CIITA: variants seen among roughly 807,000 people sequenced by gnomAD.
CIITA encodes the protein class II major histocompatibility complex transactivator, also known as MHC class II transactivator.
Under a neutral mutation model 115.1 loss-of-function variants are expected in CIITA, and 72 were observed. The ratio of observed to expected loss-of-function variants is 0.63; its 90% CI spans 0.52 to 0.76. CIITA has a LOEUF of 0.76. Ranked by LOEUF, CIITA falls within the 30% of genes least tolerant of loss-of-function variation. The probability of loss-of-function intolerance (pLI) is 0.00; values close to 1 mark genes in which losing one functional copy is unlikely to be tolerated. For missense variants in CIITA, 1,617 were observed against 1,463.8 expected, an observed-to-expected ratio of 1.10 and a Z score of -1.71; for synonymous variants, 763 against 635.6, an observed-to-expected ratio of 1.20 and a Z score of -3.02.
At chr16:10,876,393 C>A (rs1311194847), upstream of CIITA, among the ~76,000 whole-genome samples, 8 of 152,214 alleles carry the variant, frequency 5.3e-5, no homozygotes, top group Admixed American at 6.5e-5. Flanking sequence ...AACCATTTAA[C>A]AAGAAAGCAG....
At chr16:10,915,153 C>T (rs952454209) in intron 13 of CIITA, 7 of 417,304 alleles carry the variant, frequency 1.7e-5, no homozygotes, top group South Asian at 8.7e-5. Context: ...TGGGCTCAAG[C>T]GATGCTTCCA....
At position 10,925,287 on chromosome 16, in the gene CIITA, G is replaced by T. The variant is rs1450511166; in HGVS notation, c.*1432G>T. On this transcript the variant is annotated 3_prime_UTR_variant, in exon 20 of 20. Transcript: ENST00000324288. ...CACTTTTCATAACCTAGCCTTAGAA[G>T]TCACACAGTATTACTTCTGCTACAT... The T allele has an allele frequency of 6.6e-6, 1 of 152,208 alleles. No homozygotes were observed. The highest frequency in any genetic ancestry group is 2.4e-5 in the African/African-American group (1 of 41,442). 9.4% of individuals were successfully genotyped at this position (152,208 alleles called of 1,614,324 possible).
chr16:10,893,374 T>C (rs1281048537), intron 1 of CIITA, among the ~76,000 whole-genome samples: 1 of 152,200 alleles, frequency 6.6e-6, no homozygotes, highest in Non-Finnish European at 1.5e-5. Flanking sequence ...GCCTTCAGCT[T>C]GGCTTTCCCC....
At chr16:10,876,852 C>T (rs199476057), upstream of CIITA, among the ~76,000 whole-genome samples, 76 of 152,216 alleles carry the variant, frequency 5.0e-4, no homozygotes, top group Non-Finnish European at 8.4e-4. Context: ...GGCATCTGGG[C>T]GGAGGGCTAT....
chr16:10,929,225 G>A lies in CIITA; in HGVS notation c.*5370G>A. 2 of 985,866 alleles carry A rather than the reference G, an allele frequency of 2.0e-6. No homozygotes were observed. Among genetic ancestry groups the A allele is most frequent in the Non-Finnish European group, 2.4e-6 (2 of 829,952 alleles). The allele number at this position is 985,866 out of a possible 1,614,324, so 61.1% of individuals were successfully genotyped here. Reference sequence around the variant, plus strand: ...CTGAAGGCTCAACTCACATCAAACGGAGCTGGGAGTCGCTTTTGCGTGTGT... The same window carrying A: ...CTGAAGGCTCAACTCACATCAAACGAAGCTGGGAGTCGCTTTTGCGTGTGT... On this transcript the variant is annotated 3_prime_UTR_variant, in exon 20 of 20. Coordinates refer to ENST00000324288, the MANE Select transcript of CIITA (RefSeq NM_000246.4). This position sits in a 1 kb window ranked among gnomAD's most constrained non-coding sequence, Gnocchi z 4.3.
intron 1 of CIITA, among the ~76,000 whole-genome samples, chr16:10,870,820 G>A (rs1288888843): frequency 6.6e-6 from 1 of 152,230 alleles, no homozygotes; most frequent in East Asian, 1.9e-4. Flanking sequence ...AGGTCGCACT[G>A]TATAAATATC....
At chr16:10,915,471 C>T (rs923819369) in intron 13 of CIITA, 99 bp from the exon 14 acceptor site, 78 of 927,298 alleles carry the variant, frequency 8.4e-5, no homozygotes, top group Admixed American at 3.3e-4. Flanking sequence ...GGGCCTCAGA[C>T]AGGACCTGAC....
In CIITA at chr16:10,909,166, G is replaced by A. The variant is rs867986540; in HGVS notation, c.2795G>A (p.Gly932Glu). Residue 932 changes from glycine (G) to glutamate (E), a missense_variant, in exon 12 of 20, where the codon GGA (glycine) becomes GAA (glutamate). Gly to Glu is a moderately conservative substitution (Grantham distance 98). Coordinates refer to ENST00000324288, the MANE Select transcript of CIITA (RefSeq NM_000246.4). The part of the protein sequence containing the change: ...AKSLKDVEDL[G>E]KLVQTQRTRS... ...TCCCTGAAGGATGTGGAAGACCTGG[G>A]AAAGCTTGTGCAGACTCAGAGGTGA... 2 of 1,614,228 alleles carry A rather than the reference G, an allele frequency of 1.2e-6. No individual in the cohort carries two copies. Among genetic ancestry groups the A allele is most frequent in the East Asian group, 4.5e-5 (2 of 44,888 alleles).
In CIITA at chr16:10,907,419, G is replaced by A. The variant is rs949731275; in HGVS notation, c.1927G>A (p.Gly643Ser). 4 of 1,612,898 alleles carry A rather than the reference G, an allele frequency of 2.5e-6. No homozygotes were observed. The highest frequency in any genetic ancestry group is 3.4e-6 in the Non-Finnish European group (4 of 1,179,830). ...CTCCACGCTCACGGGACTCTATGTCGGCCTGCTGGGCCGTGCAGCCCTCGA... is the reference window on the plus strand; with the variant it reads ...CTCCACGCTCACGGGACTCTATGTCAGCCTGCTGGGCCGTGCAGCCCTCGA... ...LPSTLTGLYV[G>S]LLGRAALDSP... is the part of the protein sequence containing the mutation. The change falls in exon 11 of 20, where the codon GGC becomes AGC. Residue 643 changes from glycine to serine, a missense_variant. Gly to Ser is a moderately conservative substitution (Grantham distance 56, BLOSUM62 0). Coordinates refer to ENST00000324288, the MANE Select transcript of CIITA (RefSeq NM_000246.4). This position sits in a 1 kb window ranked among gnomAD's most constrained non-coding sequence, Gnocchi z 5.0.
At chr16:10,877,998 C>A (rs557928112) in intron 1 of CIITA, among the ~76,000 whole-genome samples, 1 of 152,256 alleles carries the variant, frequency 6.6e-6, no homozygotes, top group Admixed American at 6.5e-5. Flanking sequence ...GAAGGGTGTG[C>A]CCCTGAAGAA....
chr16:10,874,828 G>A (rs1192928339), upstream of CIITA, among the ~76,000 whole-genome samples: 2 of 152,202 alleles, frequency 1.3e-5, no homozygotes, highest in Non-Finnish European at 2.9e-5. Context: ...GTCTGAGGGT[G>A]GGATGGGGGG....
rs202176090 is a variant in CIITA at position 10,877,349 on chromosome 16, C to A, written c.19C>A (p.Arg7Ser). 5.0e-6 allele frequency: 8 copies of A among 1,613,274 alleles called. No homozygotes were observed. In the Admixed American group the frequency reaches 1.3e-4, roughly 27 times the overall value. Residue 7 changes from arginine (R) to serine (S), a missense_variant, in exon 1 of 20, where the codon CGC becomes AGC. Coordinates refer to ENST00000324288, the MANE Select transcript of CIITA (RefSeq NM_000246.4). ...CTACACAATGCGTTGCCTGGCTCCA[C>A]GCCCTGCTGGGTCCTACCTGTCAGA... MRCLAP[R>S]PAGSYLSEPQ...
intron 14 of CIITA, 105 bp from the exon 15 acceptor site, chr16:10,916,262 G>T (rs541527625): frequency 3.1e-6 from 3 of 981,914 alleles, no homozygotes; most frequent in Admixed American, 1.9e-5. Flanking sequence ...AGAGCTGGGG[G>T]GTGGGAAGGG....
rs2038751795 is a variant in CIITA, at chr16:10,901,522, G to A, written c.445G>A (p.Glu149Lys). 2 of 1,614,108 alleles carry A rather than the reference G, an allele frequency of 1.2e-6. No homozygotes were observed. Among genetic ancestry groups the A allele is most frequent in the Non-Finnish European group, 1.7e-6 (2 of 1,180,030 alleles). ...GQKSQKRPFP[E>K]ELPADLKHWK... ...ACATGTTTTCTCTGCAGCCTTCCCA[G>A]AGGAGCTTCCGGCAGACCTGAAGCA... Residue 149 changes from glutamate (E) to lysine (K), a missense_variant, in exon 6 of 20, where the codon GAG (glutamate) becomes AAG (lysine). Coordinates refer to ENST00000324288, the MANE Select transcript of CIITA (RefSeq NM_000246.4). This position sits in a 1 kb window ranked among gnomAD's most constrained non-coding sequence, Gnocchi z 6.8.
In CIITA at chr16:10,909,198, A is replaced by G. The variant is rs1294645724; in HGVS notation, c.2816+11A>G. 1 of 1,613,956 alleles carries G rather than the reference A, an allele frequency of 6.2e-7. No individual in the cohort carries two copies. The highest frequency in any genetic ancestry group is 2.2e-5 in the East Asian group (1 of 44,886). ...TGTGCAGACTCAGAGGTGAGAGGAG[A>G]GGCGGATGGGAGGTGGTTCACGCCA... On this transcript the variant is annotated intron_variant, in intron 12 of 19. Coordinates refer to ENST00000324288, the MANE Select transcript of CIITA (RefSeq NM_000246.4).
chr16:10,887,917 G>T (rs1013714226), intron 1 of CIITA, among the ~76,000 whole-genome samples: 1 of 152,104 alleles, frequency 6.6e-6, no homozygotes, highest in African/African-American at 2.4e-5. Flanking sequence ...CCCGCCTCTG[G>T]GAAGAAAACA....
At chr16:10,904,529 C>G (rs188583391) in intron 9 of CIITA, among the ~76,000 whole-genome samples, 1 of 152,126 alleles carries the variant, frequency 6.6e-6, no homozygotes, top group Non-Finnish European at 1.5e-5. Flanking sequence ...CCTGATATTG[C>G]GATTTTCTTT....
intron 8 of CIITA, among the ~76,000 whole-genome samples, 154 bp from the exon 9 acceptor site, chr16:10,903,577 C>A (rs1433499904): frequency 6.6e-6 from 1 of 152,224 alleles, no homozygotes; most frequent in East Asian, 1.9e-4. Flanking sequence ...GCTCTTTCTT[C>A]AGCTCTGTCC....
At chr16:10,903,253 G>T (rs992579398) in intron 8 of CIITA, among the ~76,000 whole-genome samples, 1 of 152,138 alleles carries the variant, frequency 6.6e-6, no homozygotes, top group Non-Finnish European at 1.5e-5. Flanking sequence ...TCAGTAAAAT[G>T]GTCCCTACTG....
Sources: gnomAD v4.1 joint callset for allele counts (sites outside exome capture counted in the v4.1 genomes callset) on GRCh38, gnomAD v4.1.1 for gene constraint, Gnocchi (gnomAD v3.1) non-coding constraint, MANE v1.5 for transcripts, NCBI Gene and HGNC (gene_info 2026-07-23, HGNC 2026-07-21) for gene names.